Variants in CSMD1 observed in about 807,000 individuals in gnomAD.
CSMD1 encodes the protein CUB and sushi domain-containing protein 1.
CSMD1 carries 213 observed loss-of-function variants against 417.5 expected under a neutral mutation model. That is an observed-to-expected ratio of 0.51 (90% CI 0.46 to 0.57). The LOEUF (loss-of-function observed/expected upper bound fraction) is 0.57. Ranked by LOEUF, CSMD1 falls within the 20% of genes least tolerant of loss-of-function variation. CSMD1 has a pLI of 0.00. For missense variants in CSMD1, 6,923 were observed against 4,529.7 expected, an observed-to-expected ratio of 1.53 and a Z score of -15.17; for synonymous variants, 2,862 against 1,736.8, an observed-to-expected ratio of 1.65 and a Z score of -16.11.
At chr8:3,788,805 G>C (rs896361836) in intron 5 of CSMD1, among the ~76,000 whole-genome samples, 2 of 152,178 alleles carry the variant, frequency 1.3e-5, no homozygotes, top group Admixed American at 6.5e-5. Flanking sequence ...ACACAGGACA[G>C]ACGCATTTAT....
chr8:4,210,156 C>G (rs1800221741), intron 3 of CSMD1, among the ~76,000 whole-genome samples: 1 of 152,190 alleles, frequency 6.6e-6, no homozygotes, highest in Non-Finnish European at 1.5e-5. Context: ...CACTGTGTGT[C>G]AAATCTGATG....
At chr8:4,962,964 G>A (rs1809606812) in intron 1 of CSMD1, among the ~76,000 whole-genome samples, 1 of 152,094 alleles carries the variant, frequency 6.6e-6, no homozygotes, top group Non-Finnish European at 1.5e-5. Context: ...TTGGCGCTGG[G>A]AAAAGGATCG....
intron 1 of CSMD1, among the ~76,000 whole-genome samples, chr8:4,967,147 C>T (rs1809923012): frequency 6.6e-6 from 1 of 152,028 alleles, no homozygotes; most frequent in Non-Finnish European, 1.5e-5. Flanking sequence ...GGAAGAGACT[C>T]CTTGTATTCG....
chr8:4,062,630 T>C lies in CSMD1; in HGVS notation c.416-30531A>G, dbSNP rs114308399. Among the ~76,000 whole-genome samples the C allele has an allele frequency of 2.6e-3, 390 of 152,250 alleles. 3 individuals are homozygous for C. Among genetic ancestry groups the C allele is most frequent in the African/African-American group, 8.8e-3 (364 of 41,548 alleles). On this transcript the variant is annotated intron_variant, in intron 3 of 69. Coordinates refer to ENST00000635120, the MANE Select transcript of CSMD1 (RefSeq NM_033225.6). ...CTTAAAGCTGGAAAAACAGCACTTA[T>C]TAGATTTCAATTCAGTAGTCACGTG...
intron 26 of CSMD1, among the ~76,000 whole-genome samples, chr8:3,273,588 T>G (rs1802040047): frequency 6.6e-6 from 1 of 152,232 alleles, no homozygotes; most frequent in Non-Finnish European, 1.5e-5. Context: ...GGTAAGCTAT[T>G]GATTATTGCC....
intron 2 of CSMD1, among the ~76,000 whole-genome samples, chr8:4,592,917 G>C (rs773627114): frequency 3.3e-5 from 5 of 151,804 alleles, no homozygotes; most frequent in Non-Finnish European, 7.4e-5. Context: ...TAGAAGTTTC[G>C]AATCAGCATT....
At chr8:4,520,941 A>T (rs1179232943) in intron 2 of CSMD1, among the ~76,000 whole-genome samples, 1 of 152,134 alleles carries the variant, frequency 6.6e-6, no homozygotes, top group African/African-American at 2.4e-5. Flanking sequence ...TAGTCATATC[A>T]GTTATGAATT....
chr8:4,058,443 A>G (rs530529659), intron 3 of CSMD1, among the ~76,000 whole-genome samples: 3 of 152,216 alleles, frequency 2.0e-5, no homozygotes, highest in East Asian at 3.9e-4. Context: ...GGCTGGGACA[A>G]TGGGGTTTTC....
intron 3 of CSMD1, among the ~76,000 whole-genome samples, chr8:4,192,891 G>A (rs907961977): frequency 3.3e-5 from 5 of 152,106 alleles, no homozygotes; most frequent in African/African-American, 1.2e-4. Flanking sequence ...GATTCCATAA[G>A]TCACACCTTT....
At chr8:3,373,748 A>T (rs1393761903) in intron 18 of CSMD1, 1 of 152,124 alleles carries the variant, frequency 6.6e-6, no homozygotes, top group Non-Finnish European at 1.5e-5. Flanking sequence ...ACACAGTAAA[A>T]TTTTACTGTT....
chr8:3,741,585 G>A (rs776802758), intron 6 of CSMD1, among the ~76,000 whole-genome samples: 1 of 152,152 alleles, frequency 6.6e-6, no homozygotes, highest in Admixed American at 6.5e-5. Flanking sequence ...AAGATTAACT[G>A]TTTGTTAGAA....
rs1287256787 is a variant in CSMD1, at chr8:4,753,419, A to C, written c.86-115861T>G. 1.3e-3 allele frequency among the ~76,000 whole-genome samples: 91 copies of C among 67,956 alleles called. 1 individual carries two copies. Among genetic ancestry groups the C allele is most frequent in the African/African-American group, 3.7e-3 (88 of 23,792 alleles). The allele number at this position is 67,956 out of a possible 152,430, so 44.6% of individuals were successfully genotyped here. ...CACCATAAACCACACACACACACAC[A>C]CACACACACACACACACACACACAC... On this transcript the variant is annotated intron_variant, in intron 1 of 69. Transcript: ENST00000635120.
intron 1 of CSMD1, among the ~76,000 whole-genome samples, chr8:4,874,784 T>G (rs181976748): frequency 2.0e-5 from 3 of 151,098 alleles, no homozygotes; most frequent in Non-Finnish European, 4.4e-5. Flanking sequence ...GAAATAGAGA[T>G]AGACTTTTTG....
chr8:4,426,202 G>C (rs573618241), intron 2 of CSMD1, among the ~76,000 whole-genome samples: 1 of 151,804 alleles, frequency 6.6e-6, no homozygotes, highest in Non-Finnish European at 1.5e-5. Context: ...TGTGAATTAA[G>C]AAGCCTTTTA....
At chr8:4,427,186 G>A (rs1797608220) in intron 2 of CSMD1, among the ~76,000 whole-genome samples, 1 of 152,144 alleles carries the variant, frequency 6.6e-6, no homozygotes, top group African/African-American at 2.4e-5. Context: ...CCAGATGGGT[G>A]TGCAGGGACC....
intron 10 of CSMD1, among the ~76,000 whole-genome samples, chr8:3,562,708 C>A (rs1240685282): frequency 2.6e-5 from 4 of 151,346 alleles, no homozygotes; most frequent in Middle Eastern, 3.4e-3. Flanking sequence ...AAAAAAATCA[C>A]AAAGAGTTAC....
At chr8:4,521,300 G>C (rs1415162930) in intron 2 of CSMD1, among the ~76,000 whole-genome samples, 1 of 152,122 alleles carries the variant, frequency 6.6e-6, no homozygotes, top group Admixed American at 6.6e-5. Context: ...TTTCCTTCCA[G>C]ATAAATGAGT....
At chr8:3,189,596 T>C in intron 34 of CSMD1, among the ~76,000 whole-genome samples, 1 of 152,182 alleles carries the variant, frequency 6.6e-6, no homozygotes, top group Non-Finnish European at 1.5e-5. Flanking sequence ...ACAAGTAATA[T>C]AGCAAATCAA....
chr8:3,556,759 C>T (rs771939233), intron 10 of CSMD1, among the ~76,000 whole-genome samples: 1 of 152,084 alleles, frequency 6.6e-6, no homozygotes, highest in Non-Finnish European at 1.5e-5. Context: ...GCTTTCAAGC[C>T]TAGCTGCTCA....
Sources: gnomAD v4.1 joint callset for allele counts (sites outside exome capture counted in the v4.1 genomes callset) on GRCh38, gnomAD v4.1.1 for gene constraint, MANE v1.5 for transcripts, NCBI Gene and HGNC (gene_info 2026-07-23, HGNC 2026-07-21) for gene names.